Variants in MDGA2 observed in about 807,000 individuals in gnomAD.
The protein encoded by MDGA2 is MAM domain containing glycosylphosphatidylinositol anchor 2.
A neutral mutation model predicts 117.8 loss-of-function variants in MDGA2; 40 were observed. The observed-to-expected ratio is 0.34, with a 90% CI of 0.26 to 0.44. MDGA2 has a LOEUF of 0.44. MDGA2 is among the 20% of genes least tolerant of loss of function. The probability of loss-of-function intolerance (pLI) is 1.00; values close to 1 mark genes in which losing one functional copy is unlikely to be tolerated. For missense variants in MDGA2, 1,123 were observed against 1,250.6 expected, an observed-to-expected ratio of 0.90 and a Z score of 1.54; for synonymous variants, 452 against 439.0, an observed-to-expected ratio of 1.03 and a Z score of -0.37.
chr14:47,561,059 A>C (rs2138798352), intron 1 of MDGA2, among the ~76,000 whole-genome samples: 1 of 149,876 alleles, frequency 6.7e-6, no homozygotes, highest in Middle Eastern at 3.4e-3. Flanking sequence ...TGCATGTCTG[A>C]TTCTGTATTG....
At chr14:47,253,888 A>C (rs1887528904) in intron 2 of MDGA2, among the ~76,000 whole-genome samples, 1 of 152,260 alleles carries the variant, frequency 6.6e-6, no homozygotes, top group Non-Finnish European at 1.5e-5. Flanking sequence ...ATCTAGGCAG[A>C]GGTTGCCAAA....
chr14:47,576,196 A>C (rs1896112846), intron 1 of MDGA2, among the ~76,000 whole-genome samples: 1 of 152,164 alleles, frequency 6.6e-6, no homozygotes, highest in Non-Finnish European at 1.5e-5. Flanking sequence ...ACTATTTTTA[A>C]ACCAGTATCA....
intron 11 of MDGA2, among the ~76,000 whole-genome samples, chr14:46,879,322 C>T (rs1882355428): frequency 1.3e-5 from 2 of 152,096 alleles, no homozygotes; most frequent in South Asian, 4.1e-4. Flanking sequence ...TCTTGGACTT[C>T]TCAGCCTCTA....
chr14:47,149,658 T>A (rs1273101563), intron 3 of MDGA2, among the ~76,000 whole-genome samples: 1 of 152,182 alleles, frequency 6.6e-6, no homozygotes, highest in Non-Finnish European at 1.5e-5. Flanking sequence ...TGCACAGCAG[T>A]TTGGGCATTT....
chr14:47,559,653 ACCCCCGCCTCCC>A (rs1307277771), intron 1 of MDGA2, among the ~76,000 whole-genome samples: 1 of 149,794 alleles, frequency 6.7e-6, no homozygotes, highest in African/African-American at 2.5e-5. Context: ...GCTCACTGCA[ACCCCCGCCTCCC>A]GGGTTCAAGC....
chr14:47,192,478 G>A (rs1885151223), intron 3 of MDGA2, among the ~76,000 whole-genome samples: 1 of 151,976 alleles, frequency 6.6e-6, no homozygotes, highest in Non-Finnish European at 1.5e-5. Flanking sequence ...AGCCTGGTGT[G>A]GTGGCACGTA....
chr14:47,466,404 C>A (rs973965118), intron 1 of MDGA2, among the ~76,000 whole-genome samples: 13 of 152,044 alleles, frequency 8.6e-5, no homozygotes, highest in African/African-American at 2.9e-4. Flanking sequence ...TTATTTGGGT[C>A]TATGTGAAAA....
intron 1 of MDGA2, among the ~76,000 whole-genome samples, chr14:47,500,707 G>C (rs1342324104): frequency 1.3e-5 from 2 of 151,938 alleles, no homozygotes; most frequent in Admixed American, 1.3e-4. Context: ...AAACACATCA[G>C]ACATTTTAAA....
At chr14:47,177,035 A>T (rs907532693) in intron 3 of MDGA2, among the ~76,000 whole-genome samples, 23 of 151,742 alleles carry the variant, frequency 1.5e-4, no homozygotes, top group South Asian at 6.2e-4. Flanking sequence ...TATGCAGCCA[A>T]AAAACACATG....
intron 1 of MDGA2, among the ~76,000 whole-genome samples, chr14:47,408,056 C>CTTTTTT (rs56285818): frequency 3.6e-3 from 417 of 114,984 alleles, no homozygotes; most frequent in East Asian, 7.8e-3. Context: ...GGAGATTATT[C>CTTTTTT]TTTTTTTTTT....
rs902717432 is a variant in MDGA2 at position 47,554,794 on chromosome 14, T to TG, written c.280+119722_280+119723insC. Among the ~76,000 whole-genome samples the TG allele has an allele frequency of 4.2e-3, 646 of 152,306 alleles. 5 individuals carry two copies. Among genetic ancestry groups the TG allele is most frequent in the African/African-American group, 0.015 (613 of 41,574 alleles). Reference sequence around the variant, plus strand: ...AATACAGAGTCTTTACACTTTGGCTTTAGCAATCACTTCCTTCAAATGCTT... The same window carrying TG: ...AATACAGAGTCTTTACACTTTGGCTTGTAGCAATCACTTCCTTCAAATGCTT... On this transcript the variant is annotated intron_variant, in intron 1 of 16. Coordinates refer to ENST00000399232, the MANE Select transcript of MDGA2 (RefSeq NM_001113498.3).
In MDGA2 at chr14:47,246,658, A is replaced by G. The variant is rs79197193; in HGVS notation, c.421-28463T>C. The stretch of plus-strand genomic sequence containing the variant: ...AGGAATGAAGACTAGTAATAAGGTC[A>G]ACAAACTGCAAAAACCAAATGACTC... On this transcript the variant is annotated intron_variant, in intron 2 of 16. Transcript: ENST00000399232. Among the ~76,000 whole-genome samples, 979 of 151,904 alleles carry G rather than the reference A, an allele frequency of 6.4e-3. 52 individuals carry two copies. In the East Asian group the frequency reaches 0.12, roughly 19 times the overall value.
Position 47,278,728 on chromosome 14 carries a change from C to T in MDGA2, c.420+22683G>A, listed in dbSNP as rs112142801. ...ATAGATAATATACGCATATGACACACAATTCAAAAGAAACAAGAAATGTAT... is the reference window on the plus strand; with the variant it reads ...ATAGATAATATACGCATATGACACATAATTCAAAAGAAACAAGAAATGTAT... On this transcript the variant is annotated intron_variant, in intron 2 of 16. Coordinates refer to ENST00000399232, the MANE Select transcript of MDGA2 (RefSeq NM_001113498.3). Among the ~76,000 whole-genome samples, 156 of 152,248 alleles carry T rather than the reference C, an allele frequency of 1.0e-3. 1 individual carries two copies. Among genetic ancestry groups the T allele is most frequent in the African/African-American group, 3.7e-3 (153 of 41,546 alleles).
chr14:46,862,339 G>A (rs1049006572), intron 14 of MDGA2, among the ~76,000 whole-genome samples: 5 of 150,896 alleles, frequency 3.3e-5, no homozygotes, highest in African/African-American at 1.2e-4. Flanking sequence ...CTTATCTCAC[G>A]AATAATGGCC....
intron 1 of MDGA2, among the ~76,000 whole-genome samples, chr14:47,578,189 G>A (rs565692517): frequency 6.6e-6 from 1 of 152,076 alleles, no homozygotes; most frequent in African/African-American, 2.4e-5. Flanking sequence ...AACACTACAT[G>A]TTCTCACTCG....
intron 6 of MDGA2, among the ~76,000 whole-genome samples, chr14:47,082,607 A>G (rs1890749272): frequency 6.6e-6 from 1 of 152,088 alleles, no homozygotes; most frequent in Admixed American, 6.5e-5. Flanking sequence ...AAGTAATATA[A>G]AAAAGAAAAG....
At chr14:46,984,769 A>G (rs1003639247) in intron 8 of MDGA2, among the ~76,000 whole-genome samples, 1 of 152,008 alleles carries the variant, frequency 6.6e-6, no homozygotes, top group Non-Finnish European at 1.5e-5. Flanking sequence ...TCCACGTTCT[A>G]ATTTTCTGTT....
chr14:47,585,765 A>G (rs1279723696), intron 1 of MDGA2, among the ~76,000 whole-genome samples: 1 of 151,858 alleles, frequency 6.6e-6, no homozygotes, highest in Non-Finnish European at 1.5e-5. Flanking sequence ...CCTTATACAT[A>G]AATATATTTT....
chr14:47,317,237 T>C (rs926828695), intron 1 of MDGA2, among the ~76,000 whole-genome samples: 12 of 152,066 alleles, frequency 7.9e-5, no homozygotes, highest in Non-Finnish European at 1.0e-4. Flanking sequence ...CAATAATAAA[T>C]AGCTGTACAG....
Sources: allele counts gnomAD v4.1 joint callset (sites outside exome capture counted in the v4.1 genomes callset), GRCh38; gene constraint gnomAD v4.1.1; transcripts MANE v1.5; gene names NCBI Gene and HGNC (gene_info 2026-07-23, HGNC 2026-07-21).